The following ENOX2 variants were observed in gnomAD, a reference collection of about 807,000 sequenced individuals.
ENOX2 encodes the protein APK1 antigen.
In ENOX2, 36 loss-of-function variants were observed where a neutral mutation model predicts 45.0. That is an observed-to-expected ratio of 0.80 (90% CI 0.61 to 1.06). The LOEUF (loss-of-function observed/expected upper bound fraction) is 1.06. ENOX2 is among the 50% of genes least tolerant of loss of function. The pLI is 0.00. For missense variants in ENOX2, 423 were observed against 462.5 expected (o/e 0.91, Z 0.78); for synonymous variants, 174 against 152.3 (o/e 1.14, Z -1.05).
At chrX:130,763,355 T>C (rs1344169448) in intron 3 of ENOX2, among the ~76,000 whole-genome samples, 1 of 111,389 alleles carries the variant, frequency 9.0e-6, no homozygotes, top group Non-Finnish European at 1.9e-5. Context: ...AGCTCCCCAG[T>C]AGTCTCCAAT....
At chrX:130,753,793 T>A (rs1206564771) in intron 3 of ENOX2, among the ~76,000 whole-genome samples, 1 of 111,837 alleles carries the variant, frequency 8.9e-6, no homozygotes, top group East Asian at 2.8e-4. Flanking sequence ...ATATCTTAGC[T>A]ATTGTGAATA....
intron 2 of ENOX2, among the ~76,000 whole-genome samples, chrX:130,894,743 A>T (rs893505858): frequency 9.0e-6 from 1 of 110,960 alleles, no homozygotes; most frequent in African/African-American, 3.3e-5. Flanking sequence ...ACTTCACCCA[A>T]CCAGCCACAG....
intron 2 of ENOX2, among the ~76,000 whole-genome samples, chrX:130,837,218 TA>T: frequency 8.9e-6 from 1 of 112,206 alleles, no homozygotes; most frequent in East Asian, 2.8e-4. Context: ...CAGTGGTTTC[TA>T]AATTGGTTCT....
chrX:130,712,634 C>G (rs184457965), intron 3 of ENOX2, among the ~76,000 whole-genome samples: 26 of 111,411 alleles, frequency 2.3e-4, no homozygotes, highest in African/African-American at 8.2e-4. Context: ...ATGCAGGCAG[C>G]TTACCCTAAT....
chrX:130,803,649 A>T (rs2077255448), intron 2 of ENOX2, among the ~76,000 whole-genome samples: 1 of 111,931 alleles, frequency 8.9e-6, no homozygotes, highest in Non-Finnish European at 1.9e-5. Context: ...GAGCTGGAAT[A>T]ACTTTGGGAG....
chrX:130,785,280 G>A (rs1438976663), intron 2 of ENOX2, among the ~76,000 whole-genome samples: 2 of 105,263 alleles, frequency 1.9e-5, no homozygotes, highest in African/African-American at 3.5e-5. Context: ...AGCCGAGATC[G>A]TGCCATTGCA....
intron 3 of ENOX2, among the ~76,000 whole-genome samples, chrX:130,737,421 CAAAGA>C (rs1193850222): frequency 8.9e-6 from 1 of 112,045 alleles, no homozygotes; most frequent in Non-Finnish European, 1.9e-5. Context: ...CTTTTCTCTT[CAAAGA>C]AGAGTTACTT....
intron 13 of ENOX2, among the ~76,000 whole-genome samples, chrX:130,629,942 G>A (rs1344459726): frequency 8.9e-6 from 1 of 112,226 alleles, no homozygotes; most frequent in Non-Finnish European, 1.9e-5. Context: ...TCTACTTACT[G>A]AGGGCTTACT....
At chrX:130,777,456 C>T (rs2039881792) in intron 3 of ENOX2, among the ~76,000 whole-genome samples, 1 of 106,226 alleles carries the variant, frequency 9.4e-6, no homozygotes, top group Non-Finnish European at 1.9e-5. Flanking sequence ...AGCCACTGCA[C>T]TCCAGCCTGG....
intron 2 of ENOX2, among the ~76,000 whole-genome samples, chrX:130,883,821 A>G (rs2078859839): frequency 8.9e-6 from 1 of 111,807 alleles, no homozygotes; most frequent in Admixed American, 9.5e-5. Flanking sequence ...CAGAACCTAC[A>G]AATCTCCCTC....
intron 10 of ENOX2, chrX:130,645,682 C>T: frequency 5.5e-6 from 3 of 542,080 alleles, no homozygotes; most frequent in South Asian, 6.0e-5. Context: ...GGGCCTGCTG[C>T]GTTTCATGCC....
chrX:130,731,400 G>T (rs115304200), intron 3 of ENOX2, among the ~76,000 whole-genome samples: 5 of 111,427 alleles, frequency 4.5e-5, no homozygotes, highest in Non-Finnish European at 9.4e-5. Context: ...TGTTGCCAGG[G>T]GTAACAAAAG....
Position 130,856,165 on chromosome X carries a change from A to T in ENOX2, c.-183+45519T>A, listed in dbSNP as rs897329784. ...TAGAAGTAGTTTGTCAGTATCATTT[A>T]AAAAAGTACAGAATGCCTTATCCAC... On this transcript the variant is annotated intron_variant, in intron 2 of 14. Transcript: ENST00000394363. Among the ~76,000 whole-genome samples the T allele has an allele frequency of 3.6e-5, 4 of 112,523 alleles. No homozygotes were observed. The East Asian group carries it at 8.3e-4, about 23-fold the overall frequency.
In ENOX2 at chrX:130,751,225, G is replaced by A. The variant is rs74613362; in HGVS notation, c.-39+32322C>T. On this transcript the variant is annotated intron_variant, in intron 3 of 14. Coordinates refer to ENST00000394363, the MANE Select transcript of ENOX2 (RefSeq NM_006375.4). The stretch of plus-strand genomic sequence containing the variant: ...CCTTCCTCCCTTCCCCTAGCCACCG[G>A]CAACCACCAATCTACTTTCTGTCTC... Among the ~76,000 whole-genome samples the A allele has an allele frequency of 4.7e-3, 526 of 111,351 alleles. 5 individuals carry two copies. Among genetic ancestry groups the A allele is most frequent in the African/African-American group, 0.016 (506 of 30,687 alleles).
At chrX:130,642,818 A>G (rs1196927543) in intron 10 of ENOX2, among the ~76,000 whole-genome samples, 1 of 112,489 alleles carries the variant, frequency 8.9e-6, no homozygotes, top group East Asian at 2.8e-4. Flanking sequence ...AGGTATGTAA[A>G]TTGTTTTTTA....
Position 130,703,512 on chromosome X carries a change from TTCTCTCTCTC to T in ENOX2, c.-38-268_-38-259del, listed in dbSNP as rs59009662. On this transcript the variant is annotated intron_variant, in intron 3 of 14. Coordinates refer to ENST00000394363, the MANE Select transcript of ENOX2 (RefSeq NM_006375.4). ...TTCCTTCCTTCTCTCCCTTTCTTCC[TTCTCTCTCTC>T]TCTCTCTCTCTCTCTTTTTTCAAGC... 2.8e-5 allele frequency among the ~76,000 whole-genome samples: 3 copies of T among 105,490 alleles called. No homozygotes were observed. In the Admixed American group the frequency reaches 3.1e-4, roughly 11 times the overall value. 91.6% of individuals were successfully genotyped at this position (105,490 alleles called of 115,157 possible).
At chrX:130,820,426 G>A (rs2077575045) in intron 2 of ENOX2, among the ~76,000 whole-genome samples, 1 of 111,828 alleles carries the variant, frequency 8.9e-6, no homozygotes, top group Admixed American at 9.5e-5. Flanking sequence ...ATTAAAAATA[G>A]AACTACCATA....
At chrX:130,802,540 C>T (rs1603353615) in intron 2 of ENOX2, among the ~76,000 whole-genome samples, 1 of 111,773 alleles carries the variant, frequency 8.9e-6, no homozygotes, top group East Asian at 2.8e-4. Flanking sequence ...TGTGAGGTGA[C>T]CAGAGAAGGC....
At chrX:130,772,209 T>C (rs1233632490) in intron 3 of ENOX2, among the ~76,000 whole-genome samples, 1 of 112,253 alleles carries the variant, frequency 8.9e-6, no homozygotes, top group Non-Finnish European at 1.9e-5. Flanking sequence ...TCTTAACTGA[T>C]GGCAAGCTGC....
Sources: gnomAD v4.1 joint callset for allele counts (sites outside exome capture counted in the v4.1 genomes callset) on GRCh38, gnomAD v4.1.1 for gene constraint, MANE v1.5 for transcripts, NCBI Gene and HGNC (gene_info 2026-07-23, HGNC 2026-07-21) for gene names.